Variants in IGF1R observed in about 807,000 individuals in gnomAD.
IGF1R encodes the protein insulin like growth factor 1 receptor.
IGF1R carries 44 observed loss-of-function variants against 144.6 expected under a neutral mutation model. The ratio of observed to expected loss-of-function variants is 0.30; its 90% CI spans 0.24 to 0.39. IGF1R has a LOEUF of 0.39. Ranked by LOEUF, IGF1R falls within the 10% of genes least tolerant of loss-of-function variation. The pLI is 1.00. For synonymous variants in IGF1R, 795 were observed against 722.8 expected, an observed-to-expected ratio of 1.10 and a Z score of -1.60; for missense variants, 1,355 against 1,833.7, an observed-to-expected ratio of 0.74 and a Z score of 4.77.
chr15:98,959,576 C>T lies in IGF1R; in HGVS notation c.*2134C>T, dbSNP rs1178463374. The stretch of plus-strand genomic sequence containing the variant: ...TTTGCTTCTTGCTGGGGGACCAGGG[C>T]TGTGGTGCTGGCCCACTTTCCCTCG... On this transcript the variant is annotated 3_prime_UTR_variant, in exon 21 of 21. Coordinates refer to ENST00000650285, the MANE Select transcript of IGF1R (RefSeq NM_000875.5). 4.3e-6 allele frequency: 1 copy of T among 233,634 alleles called. No homozygotes were observed. Among genetic ancestry groups the T allele is most frequent in the Non-Finnish European group, 8.5e-6 (1 of 118,036 alleles). The allele number at this position is 233,634 out of a possible 1,614,324, so 14.5% of individuals were successfully genotyped here. A position where few individuals can be genotyped will look rare whatever the true frequency, so the allele number is the denominator to read the frequency against.
At chr15:98,682,272 C>A (rs900717187) in intron 1 of IGF1R, among the ~76,000 whole-genome samples, 7 of 152,092 alleles carry the variant, frequency 4.6e-5, no homozygotes, top group Non-Finnish European at 1.0e-4. Context: ...TGGGAAGGTA[C>A]CAGGAGAAAG....
intron 15 of IGF1R, among the ~76,000 whole-genome samples, chr15:98,932,340 ACTT>A (rs991485054): frequency 3.3e-5 from 5 of 152,078 alleles, no homozygotes; most frequent in African/African-American, 7.2e-5. Flanking sequence ...TGCTTTAAAA[ACTT>A]CTTTTTCCCA....
At chr15:98,697,684 A>T (rs913261127) in intron 1 of IGF1R, among the ~76,000 whole-genome samples, 1 of 151,998 alleles carries the variant, frequency 6.6e-6, no homozygotes, top group Non-Finnish European at 1.5e-5. Flanking sequence ...ATGCGGCAGA[A>T]CTTTCCCTCT....
rs900580538 is a variant in IGF1R, at chr15:98,958,162, C to G, written c.*720C>G. 11 of 233,480 alleles carry G rather than the reference C, an allele frequency of 4.7e-5. No homozygotes were observed. Among genetic ancestry groups the G allele is most frequent in the Admixed American group, 2.2e-4 (4 of 17,800 alleles). 14.5% of individuals were successfully genotyped at this position (233,480 alleles called of 1,614,324 possible). A position where few individuals can be genotyped will look rare whatever the true frequency, so the allele number is the denominator to read the frequency against. On this transcript the variant is annotated 3_prime_UTR_variant, in exon 21 of 21. Coordinates refer to ENST00000650285, the MANE Select transcript of IGF1R (RefSeq NM_000875.5). ...ACACACTCCGTCCATCCGACTGCCCCTGCTGTGCTGCTCAAGGCCACAGGC... is the reference window on the plus strand; with the variant it reads ...ACACACTCCGTCCATCCGACTGCCCGTGCTGTGCTGCTCAAGGCCACAGGC...
At chr15:98,883,745 G>T (rs1047933463) in intron 2 of IGF1R, among the ~76,000 whole-genome samples, 116 of 152,170 alleles carry the variant, frequency 7.6e-4, no homozygotes, top group Non-Finnish European at 1.5e-5. Flanking sequence ...GTCATTCATG[G>T]GTGCTGAAAA....
At chr15:98,728,552 G>A (rs762444000) in intron 2 of IGF1R, among the ~76,000 whole-genome samples, 1 of 152,248 alleles carries the variant, frequency 6.6e-6, no homozygotes, top group African/African-American at 2.4e-5. Context: ...TGCTTTGCTT[G>A]AAGAGCGGCT....
intron 19 of IGF1R, among the ~76,000 whole-genome samples, chr15:98,945,599 CAG>C: frequency 6.6e-6 from 1 of 152,136 alleles, no homozygotes; most frequent in South Asian, 2.1e-4. Context: ...TTGAAAAACA[CAG>C]AGGTGTTGCA....
At chr15:98,914,981 G>C (rs997558936) in intron 8 of IGF1R, among the ~76,000 whole-genome samples, 4 of 152,222 alleles carry the variant, frequency 2.6e-5, no homozygotes, top group African/African-American at 9.6e-5. Flanking sequence ...CCTTAAAGAT[G>C]TTCAGAACCT....
chr15:98,655,062 A>G (rs1451275289), intron 1 of IGF1R, among the ~76,000 whole-genome samples: 5 of 152,202 alleles, frequency 3.3e-5, no homozygotes. Flanking sequence ...ATTTGAAAAG[A>G]TTAAAACTTT....
chr15:98,663,907 T>C (rs1411565351), intron 1 of IGF1R, among the ~76,000 whole-genome samples: 1 of 152,232 alleles, frequency 6.6e-6, no homozygotes, highest in African/African-American at 2.4e-5. Context: ...TTTGAACTTG[T>C]GTTGATTTAT....
chr15:98,865,438 G>A (rs1032052121), intron 2 of IGF1R, among the ~76,000 whole-genome samples: 2 of 152,214 alleles, frequency 1.3e-5, no homozygotes, highest in African/African-American at 4.8e-5. Flanking sequence ...CGCCAAGGAG[G>A]GGCTGGCTGG....
intron 4 of IGF1R, chr15:98,897,185 C>T (rs984393813): frequency 8.8e-6 from 4 of 456,726 alleles, no homozygotes; most frequent in Non-Finnish European, 1.6e-5. Context: ...GAGAGGCAAG[C>T]CCTGACACAT....
At chr15:98,826,632 A>G (rs1207941554) in intron 2 of IGF1R, among the ~76,000 whole-genome samples, 3 of 152,232 alleles carry the variant, frequency 2.0e-5, no homozygotes, top group African/African-American at 4.8e-5. Flanking sequence ...TTAAGTTCTT[A>G]GGCCTCAGTG....
chr15:98,865,244 T>C (rs1345105403), intron 2 of IGF1R, among the ~76,000 whole-genome samples: 1 of 152,212 alleles, frequency 6.6e-6, no homozygotes, highest in Non-Finnish European at 1.5e-5. Flanking sequence ...GATGAATGTT[T>C]TAAAGTTGGC....
intron 2 of IGF1R, among the ~76,000 whole-genome samples, chr15:98,885,605 G>GGT (rs2013601603): frequency 1.3e-5 from 2 of 152,136 alleles, no homozygotes; most frequent in Non-Finnish European, 2.9e-5. Context: ...ATGGAACAGT[G>GGT]GTGTGTACCT....
At chr15:98,806,062 G>A (rs1311408318) in intron 2 of IGF1R, among the ~76,000 whole-genome samples, 1 of 152,150 alleles carries the variant, frequency 6.6e-6, no homozygotes, top group Non-Finnish European at 1.5e-5. Flanking sequence ...TTGCTTTCAG[G>A]TCTGATAACT....
At position 98,803,994 on chromosome 15, in the gene IGF1R, CAT is replaced by C. The variant is rs549225228; in HGVS notation, c.641-87328_641-87327del. Among the ~76,000 whole-genome samples, 516 of 152,344 alleles carry C rather than the reference CAT, an allele frequency of 3.4e-3. 1 individual carries two copies. Among genetic ancestry groups the C allele is most frequent in the African/African-American group, 0.012 (493 of 41,578 alleles). On this transcript the variant is annotated intron_variant, in intron 2 of 20. Coordinates refer to ENST00000650285, the MANE Select transcript of IGF1R (RefSeq NM_000875.5). ...TTGTTTGCACCAGCATCCCCACAAA[CAT>C]ATGAGGAACATGTACATCTTACCAC...
intron 2 of IGF1R, among the ~76,000 whole-genome samples, chr15:98,788,949 T>C (rs2056069076): frequency 6.6e-6 from 1 of 152,236 alleles, no homozygotes; most frequent in South Asian, 2.1e-4. Flanking sequence ...ATTTTTATGC[T>C]CCATAGTCAG....
chr15:98,915,880 T>G, intron 8 of IGF1R, 84 bp from the exon 9 acceptor site: 4 of 1,275,758 alleles, frequency 3.1e-6, no homozygotes, highest in Non-Finnish European at 4.6e-6. Context: ...AACTGGCAGT[T>G]TCCTGTTGGC....
Sources: allele counts gnomAD v4.1 joint callset (sites outside exome capture counted in the v4.1 genomes callset), GRCh38; gene constraint gnomAD v4.1.1; transcripts MANE v1.5; gene names NCBI Gene and HGNC (gene_info 2026-07-23, HGNC 2026-07-21).